The following RGS22 variants were observed in gnomAD, a reference collection of about 807,000 sequenced individuals.
RGS22 encodes regulator of G-protein signaling 22.
A neutral mutation model predicts 172.9 loss-of-function variants in RGS22; 148 were observed. The ratio of observed to expected loss-of-function variants is 0.86; its 90% CI spans 0.75 to 0.98. The LOEUF (loss-of-function observed/expected upper bound fraction) is 0.98, where lower values mean the gene tolerates loss of function less well. Among genes scored for constraint, RGS22 ranks in the 50% least tolerant of loss-of-function variants. The pLI, the probability that RGS22 is intolerant of heterozygous loss-of-function variation, is 0.00. For synonymous variants in RGS22, 458 were observed against 480.2 expected (o/e 0.95, Z 0.60); for missense variants, 1,347 against 1,440.8 (o/e 0.93, Z 1.05).
At chr8:99,984,812 C>T (rs1372237170) in intron 21 of RGS22, among the ~76,000 whole-genome samples, 1 of 151,890 alleles carries the variant, frequency 6.6e-6, no homozygotes, top group Non-Finnish European at 1.5e-5. Context: ...CACACACACA[C>T]ACACACACAC....
intron 10 of RGS22, 58 bp from the exon 11 acceptor site, chr8:100,047,654 A>C: frequency 6.9e-7 from 1 of 1,457,504 alleles, no homozygotes; most frequent in South Asian, 1.5e-5. Context: ...ACAGCTCTGC[A>C]CCTATACCTC....
intron 3 of RGS22, among the ~76,000 whole-genome samples, chr8:100,090,733 T>C (rs1812514437): frequency 6.6e-6 from 1 of 152,044 alleles, no homozygotes. Flanking sequence ...GCATGCCAGG[T>C]AGAAAGACCC....
At chr8:99,967,444 C>T (rs920788817) in intron 23 of RGS22, among the ~76,000 whole-genome samples, 1 of 152,032 alleles carries the variant, frequency 6.6e-6, no homozygotes, top group Non-Finnish European at 1.5e-5. Flanking sequence ...CTCAGTGGGT[C>T]CCATCTCCAA....
At chr8:99,985,848 C>T (rs1486650814) in intron 21 of RGS22, among the ~76,000 whole-genome samples, 2 of 152,136 alleles carry the variant, frequency 1.3e-5, no homozygotes, top group Admixed American at 1.3e-4. Context: ...CTCATTACCT[C>T]TTGTCCTAGC....
intron 4 of RGS22, among the ~76,000 whole-genome samples, chr8:100,073,429 CAAAAAAAA>C (rs10716433): frequency 2.1e-5 from 3 of 142,494 alleles, no homozygotes; most frequent in African/African-American, 7.6e-5. Flanking sequence ...AAAAACAAAA[CAAAAAAAA>C]AAAACAAAAA....
intron 4 of RGS22, among the ~76,000 whole-genome samples, chr8:100,075,831 CA>C (rs1811306839): frequency 6.6e-6 from 1 of 152,148 alleles, no homozygotes. Flanking sequence ...TACTGTCTTA[CA>C]ATTGCAGCAG....
At chr8:100,105,548 CTT>C in intron 1 of RGS22, 146 bp from the exon 2 acceptor site, 1 of 702,718 alleles carries the variant, frequency 1.4e-6, no homozygotes, top group African/African-American at 1.8e-5. Context: ...CTGTACATGG[CTT>C]GCATTTTAAG....
At chr8:99,966,593 G>A (rs1360216165) in intron 23 of RGS22, among the ~76,000 whole-genome samples, 1 of 152,036 alleles carries the variant, frequency 6.6e-6, no homozygotes, top group Non-Finnish European at 1.5e-5. Flanking sequence ...GAGTAAAGAA[G>A]AGACACAACA....
intron 14 of RGS22, among the ~76,000 whole-genome samples, chr8:100,015,509 T>A (rs1816854262): frequency 6.6e-6 from 1 of 152,144 alleles, no homozygotes; most frequent in Non-Finnish European, 1.5e-5. Context: ...GCCAGGCTGG[T>A]CTTGAGCTCC....
chr8:100,068,647 T>A (rs1432553773), intron 6 of RGS22, among the ~76,000 whole-genome samples: 1 of 151,896 alleles, frequency 6.6e-6, no homozygotes, highest in Non-Finnish European at 1.5e-5. Context: ...AGGGAAAAAA[T>A]ATGGCCAGGC....
chr8:99,965,046 T>C (rs1464154332), intron 24 of RGS22, among the ~76,000 whole-genome samples: 1 of 152,216 alleles, frequency 6.6e-6, no homozygotes, highest in African/African-American at 2.4e-5. Context: ...CTTGTTCTAT[T>C]GTACTGTATC....
rs957023996 is a variant in RGS22 at position 99,999,358 on chromosome 8, T to C, written c.2853A>G (p.Leu951=). ...TTTGCACATGCTTCTGGATTTCAAC[T>C]AGAACAGGTGCATCAAGCTGCTCAT... ...ILHEQLDAPV[L]VEIQKHVQNR... Residue 951 remains leucine (L), a synonymous_variant, in exon 19 of 28, where the codon CTA becomes CTG. Transcript: ENST00000360863. The C allele has an allele frequency of 1.9e-6, 3 of 1,613,926 alleles. No homozygotes were observed. Among genetic ancestry groups the C allele is most frequent in the Admixed American group, 3.3e-5 (2 of 59,976 alleles).
At chr8:100,061,546 A>C (rs1484726103) in intron 9 of RGS22, among the ~76,000 whole-genome samples, 2 of 152,254 alleles carry the variant, frequency 1.3e-5, no homozygotes, top group Admixed American at 1.3e-4. Flanking sequence ...ATATGAAAAG[A>C]AGCTCAACAT....
chr8:99,984,268 C>A (rs1812841499), intron 21 of RGS22, among the ~76,000 whole-genome samples: 1 of 151,884 alleles, frequency 6.6e-6, no homozygotes, highest in South Asian at 2.1e-4. Context: ...GCCTGGGCAA[C>A]AGAGTAAGAT....
In RGS22 at chr8:100,047,593, C is replaced by T; in HGVS notation, c.1693G>A (p.Glu565Lys). The T allele has an allele frequency of 6.2e-7, 1 of 1,605,652 alleles. No homozygotes were observed. Among genetic ancestry groups the T allele is most frequent in the Non-Finnish European group, 8.5e-7 (1 of 1,177,392 alleles). The change falls in exon 11 of 28, where the codon GAA (glutamate) becomes AAA (lysine). Residue 565 changes from glutamate to lysine, a missense_variant. By Grantham distance (56) the Glu-to-Lys change is moderately conservative (BLOSUM62 1). Coordinates refer to ENST00000360863, the MANE Select transcript of RGS22 (RefSeq NM_015668.5). ...CIPQIPEIQK[E>K]EFSLSQPPKS... is the part of the protein sequence containing the mutation. ...GGAGGTTGTGATAAGCTGAATTCTT[C>T]TTTCTAAAAGATGGTAACATAAGCA...
At chr8:100,104,668 G>T (rs1441562236) in intron 2 of RGS22, among the ~76,000 whole-genome samples, 1 of 152,142 alleles carries the variant, frequency 6.6e-6, no homozygotes, top group Non-Finnish European at 1.5e-5. Context: ...TTTGTTGATT[G>T]AAAGCCAAAA....
At position 99,977,948 on chromosome 8, in the gene RGS22, A is replaced by G; in HGVS notation, c.3488T>C (p.Leu1163Ser). Reference protein sequence around the residue: ...RQEYNKQKKKLAVLEDEKSGK... With the variant: ...RQEYNKQKKKSAVLEDEKSGK... ...AGATTTTTCGTCTTCTAGGACTGCCAATTTTTTTTTCTGCTTATTATATTC... is the reference window on the plus strand; with the variant it reads ...AGATTTTTCGTCTTCTAGGACTGCCGATTTTTTTTTCTGCTTATTATATTC... Residue 1163 changes from leucine to serine, a missense_variant, in exon 23 of 28, where the codon TTG (leucine) becomes TCG (serine). Physicochemically the swap from Leu to Ser is moderately radical, Grantham distance 145. Coordinates refer to ENST00000360863, the MANE Select transcript of RGS22 (RefSeq NM_015668.5). 6.4e-7 allele frequency: 1 copy of G among 1,562,242 alleles called. No homozygotes were observed. Among genetic ancestry groups the G allele is most frequent in the East Asian group, 2.4e-5 (1 of 42,388 alleles).
intron 15 of RGS22, among the ~76,000 whole-genome samples, 158 bp downstream of exon 15, chr8:100,008,217 T>TA (rs1815946201): frequency 6.6e-6 from 1 of 151,996 alleles, no homozygotes; most frequent in African/African-American, 2.4e-5. Flanking sequence ...TTTGTATTTT[T>TA]AGTACAGATG....
chr8:100,105,084 C>CT (rs1167797007), intron 2 of RGS22, among the ~76,000 whole-genome samples: 1 of 152,220 alleles, frequency 6.6e-6, no homozygotes, highest in African/African-American at 2.4e-5. Context: ...GGAGATAAAA[C>CT]TTTCCTCTCA....
Sources: gnomAD v4.1 joint callset for allele counts (sites outside exome capture counted in the v4.1 genomes callset) on GRCh38, gnomAD v4.1.1 for gene constraint, MANE v1.5 for transcripts, NCBI Gene and HGNC (gene_info 2026-07-23, HGNC 2026-07-21) for gene names.